ALDH1L2: variants seen among roughly 807,000 people sequenced by gnomAD.
ALDH1L2 encodes the protein aldehyde dehydrogenase 1 family member L2, also known as mitochondrial 10-formyltetrahydrofolate dehydrogenase.
ALDH1L2 carries 91 observed loss-of-function variants against 111.0 expected under a neutral mutation model. The ratio of observed to expected loss-of-function variants is 0.82; its 90% CI spans 0.69 to 0.98. The LOEUF is 0.98. Among genes scored for constraint, ALDH1L2 ranks in the 50% least tolerant of loss-of-function variants. The pLI is 0.00. For missense variants in ALDH1L2, 995 were observed against 1,126.8 expected (o/e 0.88, Z 1.67); for synonymous variants, 374 against 392.6 (o/e 0.95, Z 0.56).
chr12:105,028,568 A>T (rs1213317823), intron 21 of ALDH1L2, among the ~76,000 whole-genome samples: 1 of 152,352 alleles, frequency 6.6e-6, no homozygotes, highest in Non-Finnish European at 1.5e-5. Context: ...CCAAAATTTT[A>T]AACTTGCACA....
chr12:105,038,241 ATC>A (rs112805543), intron 17 of ALDH1L2, 39 bp from the exon 18 acceptor site: 111,124 of 879,136 alleles, frequency 0.13, 7,923 homozygotes, highest in African/African-American at 0.36. Flanking sequence ...TTTAGTTAAC[ATC>A]TCTCTCTCTC....
chr12:105,074,765 C>A (rs1053301352), intron 1 of ALDH1L2, among the ~76,000 whole-genome samples: 4 of 152,156 alleles, frequency 2.6e-5, no homozygotes, highest in Non-Finnish European at 4.4e-5. Flanking sequence ...TAGAGGCATA[C>A]ATAACATCCT....
intron 17 of ALDH1L2, 47 bp from the exon 18 acceptor site, chr12:105,038,249 C>CTT (rs1875280220): frequency 2.6e-6 from 2 of 776,898 alleles, no homozygotes; most frequent in East Asian, 2.9e-5. Context: ...ACATCTCTCT[C>CTT]TCTCTCTCTC....
At chr12:105,051,791 C>CT (rs199608356) in intron 12 of ALDH1L2, among the ~76,000 whole-genome samples, 36,089 of 146,972 alleles carry the variant, frequency 0.25, 4,691 homozygotes, top group African/African-American at 0.33. Context: ...CTTTTTTTTC[C>CT]TTTTTTTTTT....
intron 1 of ALDH1L2, among the ~76,000 whole-genome samples, chr12:105,074,457 C>CAAAAAAAAAAAAAAAAAAAAAAAAAA (rs1565974203): frequency 3.2e-5 from 3 of 93,668 alleles, no homozygotes; most frequent in Non-Finnish European, 5.7e-5. Context: ...GACTCTGTCT[C>CAAAAAAAAAAAAAAAAAAAAAAAAAA]CAAAAAAAAA....
chr12:105,062,869 A>G lies in ALDH1L2; in HGVS notation c.921+19T>C. 6.2e-7 allele frequency: 1 copy of G among 1,604,464 alleles called. No homozygotes were observed. The highest frequency in any genetic ancestry group is 1.3e-5 in the African/African-American group (1 of 74,216). Reference sequence around the variant, plus strand: ...AAAATCAAAAGGTTATTTCATAGGCAGCCATATTTAACACTCACTGCTTTT... The same window carrying G: ...AAAATCAAAAGGTTATTTCATAGGCGGCCATATTTAACACTCACTGCTTTT... On this transcript the variant is annotated intron_variant, in intron 7 of 22. Transcript: ENST00000258494.
intron 1 of ALDH1L2, among the ~76,000 whole-genome samples, chr12:105,078,592 ATC>A (rs1223427452): frequency 1.3e-5 from 2 of 152,144 alleles, no homozygotes; most frequent in African/African-American, 4.8e-5. Context: ...TGCAGCTCAA[ATC>A]TCTCATTTGC....
rs1360221043 is a variant in ALDH1L2 at position 105,072,760 on chromosome 12, G to C, written c.193+1101C>G. 2.6e-5 allele frequency among the ~76,000 whole-genome samples: 4 copies of C among 152,322 alleles called. No homozygotes were observed. In the East Asian group the frequency reaches 7.7e-4, roughly 29 times the overall value. On this transcript the variant is annotated intron_variant, in intron 2 of 22. Transcript: ENST00000258494. ...AGGCCAAGGTGGGCGGATCACCTGA[G>C]AGCAGGAGTTCAAGACCAGCCTGGC...
chr12:105,061,044 A>G lies in ALDH1L2; in HGVS notation c.1076T>C (p.Val359Ala). The change falls in exon 9 of 23, where the codon GTC becomes GCC. Residue 359 changes from valine to alanine, a missense_variant. Coordinates refer to ENST00000258494, the MANE Select transcript of ALDH1L2 (RefSeq NM_001034173.4). ...KVIWAGILSN[V>A]PIIEDSTDFF... Reference sequence around the variant, plus strand: ...GTCTGTTGAGTCTTCAATAATGGGGACATTGCTTAAAATTCCAGCCCAGAT... The same window carrying G: ...GTCTGTTGAGTCTTCAATAATGGGGGCATTGCTTAAAATTCCAGCCCAGAT... 1 of 1,613,962 alleles carries G rather than the reference A, an allele frequency of 6.2e-7. No individual in the cohort carries two copies.
chr12:105,073,114 T>C (rs1465385054), intron 2 of ALDH1L2, among the ~76,000 whole-genome samples: 1 of 152,248 alleles, frequency 6.6e-6, no homozygotes, highest in Non-Finnish European at 1.5e-5. Context: ...CTGTCAATGC[T>C]TCCTTATTAT....
rs999087067 is a variant in ALDH1L2, at chr12:105,021,748, C to T, written c.*2676G>A. 5 of 152,074 alleles carry T rather than the reference C, an allele frequency of 3.3e-5. No individual in the cohort carries two copies. Among genetic ancestry groups the T allele is most frequent in the African/African-American group, 1.2e-4 (5 of 41,404 alleles). The allele number at this position is 152,074 out of a possible 1,614,324, so 9.4% of individuals were successfully genotyped here. On this transcript the variant is annotated 3_prime_UTR_variant, in exon 23 of 23. Coordinates refer to ENST00000258494, the MANE Select transcript of ALDH1L2 (RefSeq NM_001034173.4). ...CCTTAATAAATGGTAGCTGTCATAT[C>T]GTATTATTATTGACAGAAGGCCCAT...
In ALDH1L2 at chr12:105,084,382, G is replaced by T; in HGVS notation, c.48+7C>A. ...ACAGCCGGGACGCTCGCCCGGGCCG[G>T]ACTCACCCGGCCAGTGGAGAAGCGC... On this transcript the variant is annotated splice_region_variant and intron_variant, in intron 1 of 22. Coordinates refer to ENST00000258494, the MANE Select transcript of ALDH1L2 (RefSeq NM_001034173.4). 1 of 1,505,698 alleles carries T rather than the reference G, an allele frequency of 6.6e-7. No homozygotes were observed. The allele number at this position is 1,505,698 out of a possible 1,614,324, so 93.3% of individuals were successfully genotyped here. A position where few individuals can be genotyped will look rare whatever the true frequency, so the allele number is the denominator to read the frequency against.
intron 18 of ALDH1L2, among the ~76,000 whole-genome samples, chr12:105,034,804 T>C (rs1874896426): frequency 6.6e-6 from 1 of 152,000 alleles, no homozygotes. Flanking sequence ...GCCAACACAG[T>C]GAAACCCCAT....
intron 10 of ALDH1L2, among the ~76,000 whole-genome samples, chr12:105,054,001 C>T (rs922962530): frequency 6.6e-6 from 1 of 151,800 alleles, no homozygotes; most frequent in African/African-American, 2.4e-5. Flanking sequence ...TAATAACATC[C>T]ACCACAGAGA....
At chr12:105,033,218 T>C (rs1874803825) in intron 19 of ALDH1L2, among the ~76,000 whole-genome samples, 1 of 152,238 alleles carries the variant, frequency 6.6e-6, no homozygotes, top group South Asian at 2.1e-4. Flanking sequence ...TGGTACTAAG[T>C]AGGTGCTTGA....
intron 17 of ALDH1L2, 82 bp from the exon 18 acceptor site, chr12:105,038,284 A>T: frequency 1.6e-5 from 1 of 63,768 alleles, no homozygotes; most frequent in Non-Finnish European, 2.7e-5. Flanking sequence ...ACACAAACAC[A>T]CACACACACA....
Position 105,062,995 on chromosome 12 carries a change from G to T in ALDH1L2, c.814C>A (p.Leu272Met). The T allele has an allele frequency of 1.2e-6, 2 of 1,613,676 alleles. No homozygotes were observed. The highest frequency in any genetic ancestry group is 1.3e-5 in the African/African-American group (1 of 74,990). Residue 272 changes from leucine to methionine, a missense_variant, in exon 7 of 23, where the codon CTG (leucine) becomes ATG (methionine). Transcript: ENST00000258494. ...QMVTFYGSTLLNSSVPPGEPL... is the reference protein window; with the variant it reads ...QMVTFYGSTLMNSSVPPGEPL... ...TCTCCAGGAGGCACAGAGCTATTCAGTAATGTCGAGCCATAGAAAGTGACC... is the reference window on the plus strand; with the variant it reads ...TCTCCAGGAGGCACAGAGCTATTCATTAATGTCGAGCCATAGAAAGTGACC...
chr12:105,042,154 A>G (rs188489556), intron 15 of ALDH1L2, among the ~76,000 whole-genome samples: 1 of 152,286 alleles, frequency 6.6e-6, no homozygotes, highest in East Asian at 1.9e-4. Context: ...TTATTTAGCT[A>G]TCTAAATACA....
rs1876960784 is a variant in ALDH1L2 at position 105,060,984 on chromosome 12, G to A, written c.1136C>T (p.Ala379Val). ...FKSGASSMDV[A>V]RLVEEIRQKC... ...GTCAATAAGGGCGTGGTTTTACCTG[G>A]CAACATCCATTGAGCTTGCTCCAGA... The change falls in exon 9 of 23, where the codon GCC becomes GTC. Residue 379 changes from alanine to valine, a missense_variant. Transcript: ENST00000258494. 1 of 1,613,658 alleles carries A rather than the reference G, an allele frequency of 6.2e-7. No individual in the cohort carries two copies. The highest frequency in any genetic ancestry group is 8.5e-7 in the Non-Finnish European group (1 of 1,179,726).
Sources: gnomAD v4.1 joint callset for allele counts (sites outside exome capture counted in the v4.1 genomes callset) on GRCh38, gnomAD v4.1.1 for gene constraint, MANE v1.5 for transcripts, NCBI Gene and HGNC (gene_info 2026-07-23, HGNC 2026-07-21) for gene names.